Variants in CSNK2A2IP observed in about 807,000 individuals in gnomAD.
The protein encoded by CSNK2A2IP is casein kinase 2 subunit alpha' interacting protein, also known as casein kinase II subunit alpha'-interacting protein.
At chr3:88,354,030 T>A in the CSNK2A2IP span, among the ~76,000 whole-genome samples, 1 of 152,134 alleles carries the variant, frequency 6.6e-6, no homozygotes, top group Non-Finnish European at 1.5e-5. Context: ...GAAATCTGAT[T>A]GTTAAAGAGG....
At chr3:88,424,776 A>G in the CSNK2A2IP span, among the ~76,000 whole-genome samples, 2 of 150,592 alleles carry the variant, frequency 1.3e-5, no homozygotes, top group South Asian at 4.2e-4. Flanking sequence ...TTATGCCTTT[A>G]TAAATTATTT....
the CSNK2A2IP span, among the ~76,000 whole-genome samples, chr3:88,352,204 C>A: frequency 6.6e-6 from 1 of 152,056 alleles, no homozygotes; most frequent in East Asian, 1.9e-4. Flanking sequence ...TTCATGTTAA[C>A]TCTCTCTCTC....
the CSNK2A2IP span, among the ~76,000 whole-genome samples, chr3:88,411,962 AACTT>A: frequency 1.3e-5 from 2 of 151,760 alleles, no homozygotes; most frequent in African/African-American, 4.8e-5. Context: ...AGAAAGTTTG[AACTT>A]ACTTATGTGG....
chr3:88,376,463 A>G, the CSNK2A2IP span, among the ~76,000 whole-genome samples: 1 of 151,654 alleles, frequency 6.6e-6, no homozygotes, highest in African/African-American at 2.4e-5. Context: ...ACCTATCTTC[A>G]TCATTCTTTT....
chr3:88,365,836 A>G, the CSNK2A2IP span, among the ~76,000 whole-genome samples: 5,521 of 152,188 alleles, frequency 0.036, 149 homozygotes, highest in East Asian at 0.13. Context: ...TTGGCTGTTG[A>G]TTTAATATTT....
the CSNK2A2IP span, among the ~76,000 whole-genome samples, chr3:88,413,641 A>G: frequency 2.0e-5 from 3 of 151,940 alleles, no homozygotes; most frequent in East Asian, 5.8e-4. Flanking sequence ...GTGCATGCTT[A>G]CATATGTAGA....
the CSNK2A2IP span, among the ~76,000 whole-genome samples, chr3:88,340,325 T>C: frequency 6.6e-6 from 1 of 151,998 alleles, no homozygotes. Flanking sequence ...TTAACACTGC[T>C]TCTGTGATTG....
chr3:88,458,299 C>T, the CSNK2A2IP span, among the ~76,000 whole-genome samples: 191 of 151,788 alleles, frequency 1.3e-3, 1 homozygote, highest in Non-Finnish European at 2.3e-3. Context: ...TACAGGCATG[C>T]GCCACCACGC....
At chr3:88,437,423 G>T in the CSNK2A2IP span, among the ~76,000 whole-genome samples, 2 of 152,318 alleles carry the variant, frequency 1.3e-5, no homozygotes, top group South Asian at 4.1e-4. Context: ...AAATGAAAGT[G>T]ACTGTATTTT....
the CSNK2A2IP span, among the ~76,000 whole-genome samples, chr3:88,439,489 A>G: frequency 6.6e-6 from 1 of 152,000 alleles, no homozygotes; most frequent in Admixed American, 6.6e-5. Flanking sequence ...CATGCCTGTA[A>G]TCTTGGCACT....
At chr3:88,401,448 A>T in the CSNK2A2IP span, among the ~76,000 whole-genome samples, 1 of 152,124 alleles carries the variant, frequency 6.6e-6, no homozygotes, top group Non-Finnish European at 1.5e-5. Flanking sequence ...ATGGTATCTT[A>T]TAGAAATTTT....
At chr3:88,434,794 C>T in the CSNK2A2IP span, among the ~76,000 whole-genome samples, 1 of 152,106 alleles carries the variant, frequency 6.6e-6, no homozygotes, top group Non-Finnish European at 1.5e-5. Flanking sequence ...AGATTCAAAA[C>T]TATGATAATT....
chr3:88,352,792 A>G, the CSNK2A2IP span, among the ~76,000 whole-genome samples: 4 of 152,222 alleles, frequency 2.6e-5, no homozygotes, highest in East Asian at 7.7e-4. Flanking sequence ...AAGAGGGCAA[A>G]CAACCCTCTC....
At chr3:88,423,460 C>T in the CSNK2A2IP span, among the ~76,000 whole-genome samples, 1 of 152,004 alleles carries the variant, frequency 6.6e-6, no homozygotes, top group Non-Finnish European at 1.5e-5. Context: ...TGTCTCAATG[C>T]ACAGACTTTG....
At chr3:88,362,969 A>G in the CSNK2A2IP span, among the ~76,000 whole-genome samples, 1 of 152,118 alleles carries the variant, frequency 6.6e-6, no homozygotes, top group Non-Finnish European at 1.5e-5. Context: ...CCTCTGGCCC[A>G]AGGCTGGTCT....
chr3:88,452,915 C>T, the CSNK2A2IP span, among the ~76,000 whole-genome samples: 1 of 152,018 alleles, frequency 6.6e-6, no homozygotes. Flanking sequence ...GAATACATAT[C>T]AATTAGTTTG....
At chr3:88,365,913 A>C in the CSNK2A2IP span, among the ~76,000 whole-genome samples, 8 of 152,162 alleles carry the variant, frequency 5.3e-5, no homozygotes, top group Non-Finnish European at 1.0e-4. Flanking sequence ...TATTATTATT[A>C]TCATTTTAAT....
At chr3:88,408,833 T>C in the CSNK2A2IP span, among the ~76,000 whole-genome samples, 1 of 151,794 alleles carries the variant, frequency 6.6e-6, no homozygotes, top group African/African-American at 2.4e-5. Context: ...CCCTTTTGTT[T>C]TAATGTTTTT....
At chr3:88,424,237 AT>A in the CSNK2A2IP span, among the ~76,000 whole-genome samples, 1 of 152,118 alleles carries the variant, frequency 6.6e-6, no homozygotes. Context: ...TTGAAAAAAT[AT>A]TTTTCTCATG....
Sources: gnomAD v4.1 joint callset for allele counts (sites outside exome capture counted in the v4.1 genomes callset) on GRCh38, gnomAD v4.1.1 for gene constraint, MANE v1.5 for transcripts, NCBI Gene and HGNC (gene_info 2026-07-23, HGNC 2026-07-21) for gene names.